ICE2: variants seen among roughly 807,000 people sequenced by gnomAD.
ICE2 encodes interactor of little elongation complex ELL subunit 2.
Under a neutral mutation model 105.4 loss-of-function variants are expected in ICE2, and 87 were observed. The ratio of observed to expected loss-of-function variants is 0.83; its 90% CI spans 0.69 to 0.99. The LOEUF (loss-of-function observed/expected upper bound fraction) is 0.99. Among genes scored for constraint, ICE2 ranks in the 50% least tolerant of loss-of-function variants. ICE2 has a pLI of 0.00. For missense variants in ICE2, 1,323 were observed against 1,146.7 expected, an observed-to-expected ratio of 1.15 and a Z score of -2.22; for synonymous variants, 399 against 392.0, an observed-to-expected ratio of 1.02 and a Z score of -0.21.
chr15:60,466,498 C>T, intron 5 of ICE2, 96 bp downstream of exon 5: 1 of 1,399,298 alleles, frequency 7.1e-7, no homozygotes, highest in East Asian at 2.3e-5. Flanking sequence ...GTAACACTGA[C>T]AGTTCCGAAT....
At position 60,420,519 on chromosome 15, in the gene ICE2, C is replaced by T. The variant is rs2063232749; in HGVS notation, c.*3115G>A. On this transcript the variant is annotated 3_prime_UTR_variant, in exon 16 of 16. Coordinates refer to ENST00000261520, the MANE Select transcript of ICE2 (RefSeq NM_024611.6). ...GTTAATTAACCTTCACTACTGGTTC[C>T]CACATTGCACAGGACAAAGTTCAAA... 6.6e-6 allele frequency: 1 copy of T among 152,208 alleles called. No homozygotes were observed. Among genetic ancestry groups the T allele is most frequent in the Non-Finnish European group, 1.5e-5 (1 of 68,056 alleles). 9.4% of individuals were successfully genotyped at this position (152,208 alleles called of 1,614,324 possible).
intron 14 of ICE2, among the ~76,000 whole-genome samples, chr15:60,431,109 T>G (rs1478374690): frequency 2.0e-5 from 3 of 152,070 alleles, no homozygotes; most frequent in Admixed American, 2.0e-4. Context: ...CCTGACCTCA[T>G]GATCCGCCTA....
intron 1 of ICE2, chr15:60,478,777 A>C (rs1053544595): frequency 5.6e-6 from 2 of 357,510 alleles, no homozygotes; most frequent in Non-Finnish European, 1.1e-5. Flanking sequence ...CGAGGAAGGC[A>C]AAAGAAACGG....
At chr15:60,467,253 G>T (rs1475283323) in intron 4 of ICE2, among the ~76,000 whole-genome samples, 1 of 152,156 alleles carries the variant, frequency 6.6e-6, no homozygotes, top group Non-Finnish European at 1.5e-5. Flanking sequence ...ATGAGCCACT[G>T]GGCCTGGCCT....
rs754906418 is a variant in ICE2 at position 60,419,830 on chromosome 15, T to TAA, written c.*3802_*3803dup. The stretch of plus-strand genomic sequence containing the variant: ...CAGATGCAGTATGCTAATGAAAAGT[T>TAA]AAAGTTTTCTTTCCTCTCCCTCCCC... On this transcript the variant is annotated 3_prime_UTR_variant, in exon 16 of 16. Coordinates refer to ENST00000261520, the MANE Select transcript of ICE2 (RefSeq NM_024611.6). 6.6e-6 allele frequency: 1 copy of TAA among 152,226 alleles called. No homozygotes were observed. The highest frequency in any genetic ancestry group is 2.4e-5 in the African/African-American group (1 of 41,464). The allele number at this position is 152,226 out of a possible 1,614,324, so 9.4% of individuals were successfully genotyped here.
At chr15:60,465,397 C>T (rs917422511) in intron 5 of ICE2, among the ~76,000 whole-genome samples, 2 of 152,110 alleles carry the variant, frequency 1.3e-5, no homozygotes, top group East Asian at 1.9e-4. Context: ...TATTATGTTG[C>T]CCAGGTTAGT....
At chr15:60,473,458 T>C (rs1465917605) in intron 3 of ICE2, among the ~76,000 whole-genome samples, 2 of 151,886 alleles carry the variant, frequency 1.3e-5, no homozygotes, top group African/African-American at 4.8e-5. Flanking sequence ...CACACCTGGC[T>C]ATTTTTTGTA....
chr15:60,463,938 G>T lies in ICE2; in HGVS notation c.528+2656C>A, dbSNP rs541142890. The stretch of plus-strand genomic sequence containing the variant: ...TTATTATACAAGAGGACTACACAGG[G>T]GGCTTCTGAATTACTGGCATTATTT... On this transcript the variant is annotated intron_variant, in intron 5 of 15. Coordinates refer to ENST00000261520, the MANE Select transcript of ICE2 (RefSeq NM_024611.6). 2.6e-5 allele frequency among the ~76,000 whole-genome samples: 4 copies of T among 152,274 alleles called. No homozygotes were observed. The East Asian group carries it at 7.7e-4, about 29-fold the overall frequency.
At chr15:60,458,732 C>T (rs756904051) in intron 5 of ICE2, among the ~76,000 whole-genome samples, 21 of 152,164 alleles carry the variant, frequency 1.4e-4, no homozygotes, top group South Asian at 4.2e-4. Flanking sequence ...AATACACACG[C>T]GCACACACAA....
At chr15:60,459,577 G>A (rs17191421) in intron 5 of ICE2, among the ~76,000 whole-genome samples, 2 of 151,918 alleles carry the variant, frequency 1.3e-5, no homozygotes, top group African/African-American at 2.4e-5. Flanking sequence ...GAGAAGAAAC[G>A]GTGGGCCAAA....
At chr15:60,469,016 C>CTGTTACCA (rs2064507832) in intron 3 of ICE2, among the ~76,000 whole-genome samples, 1 of 152,154 alleles carries the variant, frequency 6.6e-6, no homozygotes, top group Non-Finnish European at 1.5e-5. Context: ...GCTTCAGAAC[C>CTGTTACCA]TGTTACCATA....
intron 13 of ICE2, among the ~76,000 whole-genome samples, chr15:60,435,241 A>T (rs2063557702): frequency 6.6e-6 from 1 of 151,638 alleles, no homozygotes; most frequent in Non-Finnish European, 1.5e-5. Context: ...AGATCACGCC[A>T]CTGCACTCCA....
rs763496983 is a variant in ICE2 at position 60,449,835 on chromosome 15, A to C, written c.1132T>G (p.Cys378Gly). 6.2e-7 allele frequency: 1 copy of C among 1,608,484 alleles called. No individual in the cohort carries two copies. The highest frequency in any genetic ancestry group is 1.1e-5 in the South Asian group (1 of 90,136). Residue 378 changes from cysteine to glycine, a missense_variant, in exon 10 of 16, where the codon TGT (cysteine) becomes GGT (glycine). Cys to Gly is a radical substitution (Grantham distance 159). Transcript: ENST00000261520. ...ATTTTTCGGCACTCGTTGACTTCAC[A>C]GGACATCTTATGTAAATAAATTGGT... ...EEFISEMDMS[C>G]EVNECRKIES...
At chr15:60,469,199 A>C (rs1473757072) in intron 3 of ICE2, among the ~76,000 whole-genome samples, 4 of 152,250 alleles carry the variant, frequency 2.6e-5, no homozygotes, top group Non-Finnish European at 5.9e-5. Flanking sequence ...ACGCATGAAC[A>C]GAAAACCAAA....
intron 5 of ICE2, among the ~76,000 whole-genome samples, chr15:60,462,004 C>T (rs2064291339): frequency 6.6e-6 from 1 of 151,972 alleles, no homozygotes; most frequent in Admixed American, 6.6e-5. Flanking sequence ...TATTTAACTC[C>T]ATGATTTAAT....
chr15:60,443,705 A>T (rs1451532683), intron 11 of ICE2, among the ~76,000 whole-genome samples: 2 of 152,232 alleles, frequency 1.3e-5, no homozygotes, highest in Non-Finnish European at 2.9e-5. Flanking sequence ...TTAGGATTTT[A>T]CCAATAAAGC....
intron 3 of ICE2, among the ~76,000 whole-genome samples, chr15:60,470,627 T>G (rs1056803454): frequency 1.3e-5 from 2 of 152,226 alleles, no homozygotes; most frequent in African/African-American, 4.8e-5. Flanking sequence ...TTATTTATCC[T>G]AACAGTACAT....
At chr15:60,432,242 C>T (rs1401112681) in intron 13 of ICE2, among the ~76,000 whole-genome samples, 2 of 133,046 alleles carry the variant, frequency 1.5e-5, no homozygotes, top group African/African-American at 2.9e-5. Flanking sequence ...GGAGTGAGTG[C>T]AGTGGCGCAA....
intron 14 of ICE2, among the ~76,000 whole-genome samples, chr15:60,430,109 G>T (rs545325304): frequency 6.6e-6 from 1 of 152,178 alleles, no homozygotes; most frequent in Non-Finnish European, 1.5e-5. Context: ...TGGAATTAAG[G>T]TTGCTAATCA....
Sources: allele counts gnomAD v4.1 joint callset (sites outside exome capture counted in the v4.1 genomes callset), GRCh38; gene constraint gnomAD v4.1.1; transcripts MANE v1.5; gene names NCBI Gene and HGNC (gene_info 2026-07-23, HGNC 2026-07-21).